Variants in ALK observed in about 807,000 individuals in gnomAD.
ALK encodes the protein ALK tyrosine kinase receptor.
In ALK, 74 loss-of-function variants were observed where a neutral mutation model predicts 163.1. That is an observed-to-expected ratio of 0.45 (90% confidence interval 0.38 to 0.55). The LOEUF (loss-of-function observed/expected upper bound fraction) is 0.55. ALK is among the 20% of genes least tolerant of loss of function. The pLI is 0.00. For missense variants in ALK, 2,063 were observed against 2,105.3 expected, an observed-to-expected ratio of 0.98 and a Z score of 0.39; for synonymous variants, 960 against 843.2, an observed-to-expected ratio of 1.14 and a Z score of -2.40.
chr2:29,404,792 G>T (rs1024283392), intron 4 of ALK, among the ~76,000 whole-genome samples: 1 of 152,192 alleles, frequency 6.6e-6, no homozygotes. Flanking sequence ...GCCCAGTGCA[G>T]CATGGGACAG....
At chr2:29,230,817 C>T (rs538611865) in intron 15 of ALK, among the ~76,000 whole-genome samples, 12 of 152,086 alleles carry the variant, frequency 7.9e-5, no homozygotes, top group South Asian at 2.1e-4. Flanking sequence ...GCCCCTTAGG[C>T]GCGTTAGGGG....
intron 1 of ALK, among the ~76,000 whole-genome samples, chr2:29,750,967 G>A (rs890092947): frequency 1.8e-4 from 27 of 152,144 alleles, no homozygotes; most frequent in African/African-American, 5.1e-4. Flanking sequence ...CTACTCCAGC[G>A]GCTGAGGCAG....
At chr2:29,359,560 T>A (rs539367573) in intron 5 of ALK, among the ~76,000 whole-genome samples, 3 of 152,332 alleles carry the variant, frequency 2.0e-5, no homozygotes, top group African/African-American at 7.2e-5. Context: ...GGCTTAGAAT[T>A]TGAAAATCTC....
intron 3 of ALK, among the ~76,000 whole-genome samples, chr2:29,644,519 G>A (rs17008382): frequency 0.03 from 4,582 of 152,136 alleles, 199 homozygotes; most frequent in African/African-American, 0.095. Flanking sequence ...TCATGTCTGT[G>A]TGTCTTTGCA....
chr2:29,301,496 A>G (rs892444794), intron 8 of ALK, among the ~76,000 whole-genome samples: 4 of 152,240 alleles, frequency 2.6e-5, no homozygotes, highest in Non-Finnish European at 5.9e-5. Context: ...AGACACTCTC[A>G]TCTTTGCCAG....
At position 29,447,713 on chromosome 2, in the gene ALK, C is replaced by T. The variant is rs150581189; in HGVS notation, c.1155-63854G>A. Among the ~76,000 whole-genome samples, 475 of 152,238 alleles carry T rather than the reference C, an allele frequency of 3.1e-3. 2 individuals are homozygous for T. The highest frequency in any genetic ancestry group is 4.0e-3 in the Non-Finnish European group (274 of 68,022). ...TTGAGCTCAGATGGCCGCTTCACAC[C>T]TCAGGTTCAATGGCACAGGCCCTCC... On this transcript the variant is annotated intron_variant, in intron 4 of 28. Coordinates refer to ENST00000389048, the MANE Select transcript of ALK (RefSeq NM_004304.5).
At chr2:29,310,967 G>C (rs1232490072) in intron 8 of ALK, among the ~76,000 whole-genome samples, 6 of 152,222 alleles carry the variant, frequency 3.9e-5, no homozygotes, top group African/African-American at 4.8e-5. Flanking sequence ...CTCATGTAGA[G>C]AGCCTTTGGA....
At chr2:29,885,615 A>G (rs539152160) in intron 1 of ALK, among the ~76,000 whole-genome samples, 1 of 151,850 alleles carries the variant, frequency 6.6e-6, no homozygotes, top group South Asian at 2.1e-4. Context: ...GGTGTTGGAG[A>G]AGTTCAAGAG....
chr2:29,452,334 T>C (rs1210649556), intron 4 of ALK, among the ~76,000 whole-genome samples: 73 of 18,298 alleles, frequency 4.0e-3, no homozygotes, highest in Non-Finnish European at 6.1e-3. Context: ...TTTTTTTTGT[T>C]TTTTTTTTTT....
intron 18 of ALK, 65 bp downstream of exon 18, chr2:29,226,857 T>A (rs2148178098): frequency 6.2e-7 from 1 of 1,601,296 alleles, no homozygotes; most frequent in South Asian, 1.1e-5. Context: ...CCAGAAACCA[T>A]TTGTGGTCAT....
chr2:29,401,327 G>A (rs6740703), intron 4 of ALK, among the ~76,000 whole-genome samples: 133,514 of 152,148 alleles, frequency 0.88, 58,911 homozygotes, highest in Middle Eastern at 0.96. Context: ...CTCAGGTAGT[G>A]TCTGCTGTTA....
chr2:29,208,771 G>T (rs944989371), intron 25 of ALK, among the ~76,000 whole-genome samples: 1 of 152,106 alleles, frequency 6.6e-6, no homozygotes, highest in Non-Finnish European at 1.5e-5. Flanking sequence ...AGTTAGGGAA[G>T]GGGTCATCCT....
At position 29,233,700 on chromosome 2, in the gene ALK, T is replaced by C; in HGVS notation, c.2356-4A>G. 2 of 1,614,238 alleles carry C rather than the reference T, an allele frequency of 1.2e-6. No homozygotes were observed. The highest frequency in any genetic ancestry group is 1.3e-5 in the African/African-American group (1 of 75,066). Reference sequence around the variant, plus strand: ...CTTTCTGGATTAACTGGTTTGTCTGTAGAAACAAAAAGCACGTTAGGTTTG... The same window carrying C: ...CTTTCTGGATTAACTGGTTTGTCTGCAGAAACAAAAAGCACGTTAGGTTTG... On this transcript the variant is annotated splice_region_variant and splice_polypyrimidine_tract_variant and intron_variant, in intron 13 of 28. Transcript: ENST00000389048.
At chr2:29,820,746 G>T (rs1665024998) in intron 1 of ALK, among the ~76,000 whole-genome samples, 1 of 152,190 alleles carries the variant, frequency 6.6e-6, no homozygotes, top group Non-Finnish European at 1.5e-5. Flanking sequence ...CTGGTTTTGT[G>T]ACCTGAGTCC....
At chr2:29,388,541 C>T (rs758498944) in intron 4 of ALK, among the ~76,000 whole-genome samples, 2 of 152,204 alleles carry the variant, frequency 1.3e-5, no homozygotes, top group Non-Finnish European at 2.9e-5. Flanking sequence ...TGATTTAATT[C>T]CTCTGAGCTC....
At chr2:29,222,929 A>AG (rs1468247312) in intron 20 of ALK, among the ~76,000 whole-genome samples, 1 of 151,972 alleles carries the variant, frequency 6.6e-6, no homozygotes, top group Non-Finnish European at 1.5e-5. Flanking sequence ...TCCCCGGGGG[A>AG]GGTTCATGCT....
intron 3 of ALK, among the ~76,000 whole-genome samples, chr2:29,600,611 G>C (rs990221998): frequency 6.6e-6 from 1 of 152,180 alleles, no homozygotes; most frequent in Non-Finnish European, 1.5e-5. Context: ...GGCTGATATC[G>C]TGGGGGCTGC....
chr2:29,510,557 GTATT>G (rs1324695643), intron 4 of ALK, among the ~76,000 whole-genome samples: 1 of 152,182 alleles, frequency 6.6e-6, no homozygotes, highest in Admixed American at 6.5e-5. Context: ...GCTGCTATAA[GTATT>G]TATTGTGTAC....
At chr2:29,674,129 A>G (rs1264128746) in intron 3 of ALK, among the ~76,000 whole-genome samples, 2 of 150,604 alleles carry the variant, frequency 1.3e-5, no homozygotes, top group African/African-American at 4.9e-5. Context: ...AACAGGGACA[A>G]TTTGACTTCC....
Sources: gnomAD v4.1 joint callset for allele counts (sites outside exome capture counted in the v4.1 genomes callset) on GRCh38, gnomAD v4.1.1 for gene constraint, MANE v1.5 for transcripts, NCBI Gene and HGNC (gene_info 2026-07-23, HGNC 2026-07-21) for gene names.